The following GPM6B variants were observed in gnomAD, a reference collection of about 807,000 sequenced individuals.
The protein encoded by GPM6B is glycoprotein M6B.
In GPM6B, 4 loss-of-function variants were observed where a neutral mutation model predicts 27.2. The ratio of observed to expected loss-of-function variants is 0.15; its 90% CI spans 0.07 to 0.34. GPM6B has a LOEUF of 0.34. GPM6B is among the 10% of genes least tolerant of loss of function. The pLI is 1.00. For synonymous variants in GPM6B, 124 were observed against 103.1 expected (o/e 1.20, Z -1.23); for missense variants, 183 against 261.9 (o/e 0.70, Z 2.08).
chrX:13,900,982 G>C (rs2050277055), intron 1 of GPM6B, among the ~76,000 whole-genome samples: 1 of 111,971 alleles, frequency 8.9e-6, no homozygotes, highest in Non-Finnish European at 1.9e-5. Context: ...GAGGCTATAT[G>C]CAAACCCCTG....
chrX:13,835,298 A>G (rs1417344815), intron 1 of GPM6B, among the ~76,000 whole-genome samples: 1 of 112,124 alleles, frequency 8.9e-6, no homozygotes, highest in Non-Finnish European at 1.9e-5. Context: ...CCATGGGGGC[A>G]AGTATGTAGT....
At chrX:13,774,337 C>T (rs904129309) in intron 7 of GPM6B, 23 of 988,048 alleles carry the variant, frequency 2.3e-5, no homozygotes, top group Non-Finnish European at 2.8e-5. Flanking sequence ...GAATCCTTTT[C>T]AAAATGTGGA....
intron 1 of GPM6B, among the ~76,000 whole-genome samples, chrX:13,921,164 G>T (rs999134683): frequency 8.9e-6 from 1 of 112,092 alleles, no homozygotes; most frequent in Non-Finnish European, 1.9e-5. Flanking sequence ...CAATAGTAAT[G>T]AATGAAAACC....
rs781437443 is a variant in GPM6B at position 13,776,314 on chromosome X, A to G, written c.772-11T>C. 1.7e-6 allele frequency: 2 copies of G among 1,186,855 alleles called. No homozygotes were observed. The highest frequency in any genetic ancestry group is 3.5e-5 in the African/African-American group (2 of 56,877). On this transcript the variant is annotated splice_polypyrimidine_tract_variant and intron_variant, in intron 6 of 7. Coordinates refer to ENST00000316715, the MANE Select transcript of GPM6B (RefSeq NM_001001995.3). The stretch of plus-strand genomic sequence containing the variant: ...ATAGGACATGTAGAACTACAAAAGA[A>G]CAGGGCATCAACATAAGCATTTGAT...
At chrX:13,774,578 A>G in intron 7 of GPM6B, 2 of 1,209,703 alleles carry the variant, frequency 1.7e-6, no homozygotes, top group Non-Finnish European at 2.2e-6. Context: ...CCGACTCTTA[A>G]ACTTCAAAAC....
chrX:13,785,171 G>T (rs765944825), intron 3 of GPM6B, among the ~76,000 whole-genome samples: 1 of 111,802 alleles, frequency 8.9e-6, no homozygotes, highest in South Asian at 3.8e-4. Flanking sequence ...CTTCTCTCAT[G>T]AACCTTTTTC....
chrX:13,772,799 G>C lies in GPM6B; in HGVS notation c.*82C>G. ...TTGTACATCTACATTAGTTTGGTGG[G>C]ATACACATCTGTACTGCAGAGCAGC... is the stretch of plus-strand genomic sequence containing the variant. On this transcript the variant is annotated 3_prime_UTR_variant, in exon 8 of 8. Transcript: ENST00000316715. 1.1e-6 allele frequency: 1 copy of C among 919,473 alleles called. No individual in the cohort carries two copies. Among genetic ancestry groups the C allele is most frequent in the East Asian group, 3.1e-5 (1 of 32,142 alleles). 75.8% of individuals were successfully genotyped at this position (919,473 alleles called of 1,213,427 possible). A position where few individuals can be genotyped will look rare whatever the true frequency, so the allele number is the denominator to read the frequency against.
At chrX:13,842,232 A>T (rs1338330958) in intron 1 of GPM6B, among the ~76,000 whole-genome samples, 1 of 112,131 alleles carries the variant, frequency 8.9e-6, no homozygotes, top group African/African-American at 3.2e-5. Flanking sequence ...TAATTACTAG[A>T]ATATCTGCAA....
At chrX:13,863,312 A>C (rs928969512) in intron 1 of GPM6B, among the ~76,000 whole-genome samples, 5 of 111,831 alleles carry the variant, frequency 4.5e-5, no homozygotes, top group African/African-American at 1.6e-4. Flanking sequence ...CCACATGCTA[A>C]GACTATTGGG....
intron 2 of GPM6B, among the ~76,000 whole-genome samples, chrX:13,793,894 C>A (rs1172704209): frequency 8.9e-6 from 1 of 111,891 alleles, no homozygotes; most frequent in Non-Finnish European, 1.9e-5. Flanking sequence ...TCATGGCCTG[C>A]AAACTCAGAA....
intron 7 of GPM6B, among the ~76,000 whole-genome samples, chrX:13,774,961 C>T (rs2048383032): frequency 8.9e-6 from 1 of 112,068 alleles, no homozygotes. Flanking sequence ...TGCTCAGCAG[C>T]AGGCAGTTAT....
chrX:13,779,352 AATAC>A (rs2147116259), intron 5 of GPM6B, among the ~76,000 whole-genome samples: 1 of 112,519 alleles, frequency 8.9e-6, no homozygotes, highest in South Asian at 3.6e-4. Context: ...TGTATTTTTC[AATAC>A]AGATGAAGTT....
chrX:13,858,915 T>TGCA (rs2049811932), intron 1 of GPM6B, among the ~76,000 whole-genome samples: 1 of 112,316 alleles, frequency 8.9e-6, no homozygotes, highest in Non-Finnish European at 1.9e-5. Context: ...CATTGTACCT[T>TGCA]TCATAGGCAT....
At chrX:13,773,120 G>T in intron 7 of GPM6B, 90 bp from the exon 8 acceptor site, 1 of 794,767 alleles carries the variant, frequency 1.3e-6, no homozygotes, top group Non-Finnish European at 1.8e-6. Flanking sequence ...TGACTTTAAA[G>T]GGGCGAAGGT....
chrX:13,795,406 C>A (rs1284895807), intron 2 of GPM6B, among the ~76,000 whole-genome samples: 1 of 111,571 alleles, frequency 9.0e-6, no homozygotes, highest in African/African-American at 3.3e-5. Flanking sequence ...TAATTATCTG[C>A]AAAGGCCATT....
chrX:13,928,523 T>A (rs201710016), intron 1 of GPM6B, among the ~76,000 whole-genome samples: 1 of 112,176 alleles, frequency 8.9e-6, no homozygotes, highest in Non-Finnish European at 1.9e-5. Flanking sequence ...TTAATTACCA[T>A]GGAAACTGTC....
At chrX:13,893,905 C>T (rs771002117) in intron 1 of GPM6B, among the ~76,000 whole-genome samples, 6 of 112,272 alleles carry the variant, frequency 5.3e-5, no homozygotes, top group African/African-American at 1.3e-4. Flanking sequence ...ATGTTGTAAA[C>T]GGATGGAGGT....
chrX:13,910,877 C>T (rs1217972781), intron 1 of GPM6B, among the ~76,000 whole-genome samples: 1 of 112,322 alleles, frequency 8.9e-6, no homozygotes, highest in Non-Finnish European at 1.9e-5. Flanking sequence ...GGTTCAAAGA[C>T]CCAGAAAGTA....
chrX:13,804,095 C>A (rs1169912851), intron 2 of GPM6B, among the ~76,000 whole-genome samples: 2 of 111,586 alleles, frequency 1.8e-5, no homozygotes, highest in Non-Finnish European at 3.8e-5. Flanking sequence ...TGCATAGGAA[C>A]TACCTGGAAG....
Sources: allele counts gnomAD v4.1 joint callset (sites outside exome capture counted in the v4.1 genomes callset), GRCh38; gene constraint gnomAD v4.1.1; transcripts MANE v1.5; gene names NCBI Gene and HGNC (gene_info 2026-07-23, HGNC 2026-07-21).